The following FRMD3 variants were observed in gnomAD, a reference collection of about 807,000 sequenced individuals.
The protein encoded by FRMD3 is FERM domain-containing protein 3.
In FRMD3, 33 loss-of-function variants were observed where a neutral mutation model predicts 70.2. The observed-to-expected ratio is 0.47, with a 90% confidence interval of 0.36 to 0.63. FRMD3 has a LOEUF of 0.63. Among genes scored for constraint, FRMD3 ranks in the 20% least tolerant of loss-of-function variants. The pLI is 0.00. For synonymous variants in FRMD3, 279 were observed against 255.9 expected (o/e 1.09, Z -0.86); for missense variants, 632 against 711.4 (o/e 0.89, Z 1.27).
chr9:83,555,908 C>T, the FRMD3 span, among the ~76,000 whole-genome samples: 16 of 152,282 alleles, frequency 1.1e-4, no homozygotes, highest in African/African-American at 3.8e-4. Flanking sequence ...GCGTGGTTTC[C>T]CGGGATCGGT....
chr9:83,445,380 A>AGATT (rs1827430294), intron 1 of FRMD3, among the ~76,000 whole-genome samples: 1 of 117,354 alleles, frequency 8.5e-6, no homozygotes, highest in Admixed American at 9.0e-5. Flanking sequence ...ATAGATAGAT[A>AGATT]GACAGATAGA....
intron 1 of FRMD3, among the ~76,000 whole-genome samples, chr9:83,437,430 C>T (rs961481179): frequency 3.9e-5 from 6 of 152,128 alleles, no homozygotes; most frequent in Non-Finnish European, 7.3e-5. Context: ...ATTTTTGACT[C>T]GTGCTCATTC....
At position 83,289,272 on chromosome 9, in the gene FRMD3, T is replaced by C. The variant is rs12339711; in HGVS notation, c.1195+1331A>G. ...GAGGCCCTTAGGCTAAGGAAATTCA[T>C]TTGGCATGGAACTTACAGAGTTCAT... On this transcript the variant is annotated intron_variant, in intron 13 of 13. Coordinates refer to ENST00000304195, the MANE Select transcript of FRMD3 (RefSeq NM_174938.6). Among the ~76,000 whole-genome samples the C allele has an allele frequency of 5.5e-3, 838 of 152,280 alleles. 6 individuals are homozygous for C. The highest frequency in any genetic ancestry group is 0.019 in the African/African-American group (774 of 41,566).
At chr9:83,468,521 T>TA (rs1238894029) in intron 1 of FRMD3, among the ~76,000 whole-genome samples, 1 of 152,182 alleles carries the variant, frequency 6.6e-6, no homozygotes, top group Non-Finnish European at 1.5e-5. Flanking sequence ...TTCAGGTTCC[T>TA]AAACGGTTCA....
At chr9:83,386,192 G>T (rs1480816629) in intron 2 of FRMD3, among the ~76,000 whole-genome samples, 1 of 152,184 alleles carries the variant, frequency 6.6e-6, no homozygotes, top group East Asian at 1.9e-4. Context: ...AATCAGGAGA[G>T]ATGGGATTTT....
chr9:83,251,152 T>C (rs1342767303), intron 13 of FRMD3, among the ~76,000 whole-genome samples: 1 of 152,112 alleles, frequency 6.6e-6, no homozygotes, highest in Non-Finnish European at 1.5e-5. Context: ...GAGCTTCCAG[T>C]GGAAGAAGCT....
chr9:83,407,059 G>T (rs1826124988), intron 1 of FRMD3, among the ~76,000 whole-genome samples: 1 of 152,096 alleles, frequency 6.6e-6, no homozygotes, highest in Admixed American at 6.6e-5. Flanking sequence ...TCCTGCTTCT[G>T]CATGAGAGGC....
At chr9:83,579,171 C>A in the FRMD3 span, among the ~76,000 whole-genome samples, 1 of 151,622 alleles carries the variant, frequency 6.6e-6, no homozygotes, top group African/African-American at 2.4e-5. Context: ...GAAACACAAA[C>A]AAATGAAAGA....
At chr9:83,262,959 G>A (rs1365828845) in intron 13 of FRMD3, among the ~76,000 whole-genome samples, 2 of 152,152 alleles carry the variant, frequency 1.3e-5, no homozygotes, top group Non-Finnish European at 2.9e-5. Flanking sequence ...ACGGGCATAT[G>A]GGCCAACCCT....
At chr9:83,432,562 C>T (rs1244180608) in intron 1 of FRMD3, among the ~76,000 whole-genome samples, 2 of 152,230 alleles carry the variant, frequency 1.3e-5, no homozygotes, top group African/African-American at 2.4e-5. Flanking sequence ...AATGTCACCA[C>T]TGCCTCAGGC....
intron 10 of FRMD3, among the ~76,000 whole-genome samples, chr9:83,303,292 C>T (rs1564004765): frequency 1.3e-5 from 2 of 152,286 alleles, no homozygotes; most frequent in African/African-American, 2.4e-5. Flanking sequence ...GGAAGGGATC[C>T]GCATTTTCAC....
chr9:83,364,385 C>T (rs546520677), intron 3 of FRMD3, among the ~76,000 whole-genome samples: 4 of 152,218 alleles, frequency 2.6e-5, no homozygotes, highest in South Asian at 2.1e-4. Context: ...GGCAAAACCC[C>T]GTATCTTCTA....
At chr9:83,534,473 C>T (rs75638243) in intron 1 of FRMD3, among the ~76,000 whole-genome samples, 11,609 of 152,214 alleles carry the variant, frequency 0.076, 565 homozygotes, top group East Asian at 0.24. Flanking sequence ...TATGCAGTGG[C>T]AAATGCAAAG....
Position 83,538,022 on chromosome 9 carries a change from C to T in FRMD3, c.147+63G>A, listed in dbSNP as rs1032629344. The T allele has an allele frequency of 5.7e-6, 9 of 1,578,910 alleles. No homozygotes were observed. Among genetic ancestry groups the T allele is most frequent in the Non-Finnish European group, 7.8e-6 (9 of 1,157,512 alleles). On this transcript the variant is annotated intron_variant, in intron 1 of 13. Coordinates refer to ENST00000304195, the MANE Select transcript of FRMD3 (RefSeq NM_174938.6). This position sits in a 1 kb window ranked among gnomAD's most constrained non-coding sequence, Gnocchi z 4.7. ...GGGTTCCTTGTTCTCGCATGCCCAC[C>T]GCAAAGGCCCCCCGCCCTGCTCCCG...
chr9:83,378,093 A>G (rs1435977660), intron 2 of FRMD3, among the ~76,000 whole-genome samples: 1 of 152,050 alleles, frequency 6.6e-6, no homozygotes, highest in Non-Finnish European at 1.5e-5. Context: ...TTACAGCATC[A>G]TGGAGAAGTT....
chr9:83,378,477 T>C (rs1440769110), intron 2 of FRMD3, among the ~76,000 whole-genome samples: 1 of 81,050 alleles, frequency 1.2e-5, no homozygotes, highest in East Asian at 3.5e-4. Flanking sequence ...ATATAAAATT[T>C]ATATATATAA....
At chr9:83,486,423 A>C (rs1041382548) in intron 1 of FRMD3, among the ~76,000 whole-genome samples, 1 of 152,308 alleles carries the variant, frequency 6.6e-6, no homozygotes, top group Middle Eastern at 3.4e-3. Context: ...CCTGTCATTC[A>C]AATAGCCAAG....
chr9:83,465,371 C>T (rs1828098164), intron 1 of FRMD3, among the ~76,000 whole-genome samples: 1 of 152,086 alleles, frequency 6.6e-6, no homozygotes, highest in Non-Finnish European at 1.5e-5. Flanking sequence ...AGGAGGATCA[C>T]TTGAGCCCAG....
At chr9:83,543,277 T>C (rs1161986216), upstream of FRMD3, among the ~76,000 whole-genome samples, 1 of 151,576 alleles carries the variant, frequency 6.6e-6, no homozygotes, top group Non-Finnish European at 1.5e-5. Context: ...AGGCAAGAAT[T>C]TGGCAGAAAT....
Sources: gnomAD v4.1 joint callset for allele counts (sites outside exome capture counted in the v4.1 genomes callset) on GRCh38, gnomAD v4.1.1 for gene constraint, Gnocchi (gnomAD v3.1) non-coding constraint, MANE v1.5 for transcripts, NCBI Gene and HGNC (gene_info 2026-07-23, HGNC 2026-07-21) for gene names.